Variants in LPP observed in about 807,000 individuals in gnomAD.
The protein encoded by LPP is lipoma-preferred partner.
In LPP, 38 loss-of-function variants were observed where a neutral mutation model predicts 60.4. The ratio of observed to expected loss-of-function variants is 0.63; its 90% CI spans 0.49 to 0.83. The LOEUF (loss-of-function observed/expected upper bound fraction) is 0.83. Ranked by LOEUF, LPP falls within the 40% of genes least tolerant of loss-of-function variation. The pLI is 0.00. For synonymous variants in LPP, 328 were observed against 290.8 expected (o/e 1.13, Z -1.30); for missense variants, 902 against 783.6 (o/e 1.15, Z -1.80).
chr3:188,440,712 C>T (rs890195825), intron 4 of LPP, among the ~76,000 whole-genome samples: 3 of 152,144 alleles, frequency 2.0e-5, no homozygotes, highest in African/African-American at 7.2e-5. Flanking sequence ...TAATTAGTAT[C>T]ATCACACAGT....
intron 9 of LPP, among the ~76,000 whole-genome samples, chr3:188,845,284 G>A (rs1383080618): frequency 6.6e-6 from 1 of 152,182 alleles, no homozygotes; most frequent in Non-Finnish European, 1.5e-5. Context: ...GTGGGGAGAT[G>A]TGTCTTGAGA....
In LPP at chr3:188,553,505, A is replaced by G. The variant is rs191093899; in HGVS notation, c.429+28718A>G. On this transcript the variant is annotated intron_variant, in intron 6 of 11. Coordinates refer to ENST00000617246, the MANE Select transcript of LPP (RefSeq NM_001375462.1). ...ATGTGAGGAGGTGGATGACCTGTCT[A>G]TATATTCAACACTAGCTTTTCTTTG... is the stretch of plus-strand genomic sequence containing the variant. Among the ~76,000 whole-genome samples, 155 of 152,286 alleles carry G rather than the reference A, an allele frequency of 1.0e-3. 1 individual carries two copies. The highest frequency in any genetic ancestry group is 1.9e-3 in the Non-Finnish European group (131 of 68,014).
chr3:188,209,400 G>A (rs1214412886), intron 1 of LPP, among the ~76,000 whole-genome samples: 5 of 152,200 alleles, frequency 3.3e-5, no homozygotes, highest in Non-Finnish European at 7.3e-5. Flanking sequence ...CATCAGAACT[G>A]TGAAAGAAAA....
chr3:188,414,563 G>A (rs568027581), intron 4 of LPP, among the ~76,000 whole-genome samples: 33 of 152,258 alleles, frequency 2.2e-4, no homozygotes, highest in Non-Finnish European at 4.6e-4. Context: ...TAACAACAGT[G>A]ATAGAGATCA....
chr3:188,295,410 C>T (rs1747540905), intron 2 of LPP, among the ~76,000 whole-genome samples: 1 of 152,204 alleles, frequency 6.6e-6, no homozygotes, highest in African/African-American at 2.4e-5. Context: ...AAACCACAGT[C>T]ATCCAGACCT....
chr3:188,453,688 T>C (rs1172952035), intron 4 of LPP, among the ~76,000 whole-genome samples: 1 of 152,036 alleles, frequency 6.6e-6, no homozygotes, highest in African/African-American at 2.4e-5. Flanking sequence ...CTTCCACAAA[T>C]CTATTCTATA....
intron 9 of LPP, among the ~76,000 whole-genome samples, chr3:188,771,424 C>G (rs1735927323): frequency 6.6e-6 from 1 of 151,600 alleles, no homozygotes; most frequent in Non-Finnish European, 1.5e-5. Flanking sequence ...TGGCACAAGC[C>G]TGTAATCCCA....
chr3:188,470,149 G>T (rs370107632), intron 4 of LPP, among the ~76,000 whole-genome samples: 2 of 151,834 alleles, frequency 1.3e-5, no homozygotes. Flanking sequence ...TTTTAATGTC[G>T]CAGAGCTATT....
At chr3:188,762,836 C>T (rs1173650186) in intron 9 of LPP, among the ~76,000 whole-genome samples, 1 of 151,314 alleles carries the variant, frequency 6.6e-6, no homozygotes, top group Non-Finnish European at 1.5e-5. Flanking sequence ...GAGATCTATT[C>T]GTGGTGACTC....
intron 4 of LPP, among the ~76,000 whole-genome samples, chr3:188,438,418 A>G (rs76963470): frequency 0.013 from 2,036 of 151,118 alleles, 49 homozygotes; most frequent in African/African-American, 0.047. Flanking sequence ...TTTAATCCTC[A>G]TAATATTATG....
chr3:188,815,979 GA>G (rs539837308), intron 9 of LPP, among the ~76,000 whole-genome samples: 1 of 151,956 alleles, frequency 6.6e-6, no homozygotes, highest in South Asian at 2.1e-4. Flanking sequence ...AATTTCATAA[GA>G]AAAAAATGAT....
intron 7 of LPP, among the ~76,000 whole-genome samples, chr3:188,622,145 C>A (rs1019001054): frequency 9.9e-5 from 15 of 152,160 alleles, no homozygotes; most frequent in African/African-American, 3.6e-4. Context: ...GATGGCAATA[C>A]AACCAGTAAA....
chr3:188,488,889 G>A (rs1372051910), intron 5 of LPP, among the ~76,000 whole-genome samples: 1 of 152,050 alleles, frequency 6.6e-6, no homozygotes, highest in African/African-American at 2.4e-5. Flanking sequence ...CACCCGCCTT[G>A]GCCTCCCAAA....
At chr3:188,854,069 A>T (rs535965209) in intron 9 of LPP, among the ~76,000 whole-genome samples, 2 of 152,330 alleles carry the variant, frequency 1.3e-5, no homozygotes, top group East Asian at 3.9e-4. Context: ...AAATCCAAAA[A>T]AGACTGCTAA....
chr3:188,225,229 C>T (rs915125702), intron 1 of LPP, among the ~76,000 whole-genome samples, 176 bp from the exon 2 acceptor site: 2 of 152,198 alleles, frequency 1.3e-5, no homozygotes, highest in Non-Finnish European at 2.9e-5. Flanking sequence ...CATCAGCATT[C>T]TCTTTCCCCA....
chr3:188,446,888 C>T (rs1388049054), intron 4 of LPP, among the ~76,000 whole-genome samples: 2 of 152,172 alleles, frequency 1.3e-5, no homozygotes, highest in South Asian at 4.1e-4. Context: ...TATTATAGAA[C>T]TTCTGTTTTT....
intron 3 of LPP, among the ~76,000 whole-genome samples, chr3:188,372,612 AAAGTT>A (rs1270586875): frequency 1.3e-5 from 2 of 151,806 alleles, no homozygotes; most frequent in Non-Finnish European, 2.9e-5. Context: ...TTCCCAAAAT[AAAGTT>A]AAGTGCATTC....
intron 6 of LPP, among the ~76,000 whole-genome samples, chr3:188,547,378 T>C (rs1277076109): frequency 1.3e-5 from 2 of 152,142 alleles, no homozygotes; most frequent in Non-Finnish European, 2.9e-5. Flanking sequence ...AACTAATAGC[T>C]CATCTGAAAA....
Position 188,402,436 on chromosome 3 carries a change from G to A in LPP, c.-9-3676G>A, listed in dbSNP as rs902720712. On this transcript the variant is annotated intron_variant, in intron 3 of 11. Coordinates refer to ENST00000617246, the MANE Select transcript of LPP (RefSeq NM_001375462.1). ...TATTTCATTACATCATCAAATTAAGGGAGGGAAAAAGAGTTGAATGTATCA... is the reference window on the plus strand; with the variant it reads ...TATTTCATTACATCATCAAATTAAGAGAGGGAAAAAGAGTTGAATGTATCA... Among the ~76,000 whole-genome samples, 11 of 152,238 alleles carry A rather than the reference G, an allele frequency of 7.2e-5. 3 individuals are homozygous for A. Among genetic ancestry groups the A allele is most frequent in the Admixed American group, 1.3e-4 (2 of 15,294 alleles).
Sources: gnomAD v4.1 joint callset for allele counts (sites outside exome capture counted in the v4.1 genomes callset) on GRCh38, gnomAD v4.1.1 for gene constraint, MANE v1.5 for transcripts, NCBI Gene and HGNC (gene_info 2026-07-23, HGNC 2026-07-21) for gene names.